OPCML: variants seen among roughly 807,000 people sequenced by gnomAD.
OPCML encodes the protein opioid-binding protein/cell adhesion molecule.
Under a neutral mutation model 37.8 loss-of-function variants are expected in OPCML, and 13 were observed. That is an observed-to-expected ratio of 0.34 (90% CI 0.22 to 0.55). The LOEUF is 0.55. Ranked by LOEUF, OPCML falls within the 20% of genes least tolerant of loss-of-function variation. The pLI, the probability that OPCML is intolerant of heterozygous loss-of-function variation, is 0.91. For synonymous variants in OPCML, 176 were observed against 168.8 expected, an observed-to-expected ratio of 1.04 and a Z score of -0.33; for missense variants, 341 against 435.6, an observed-to-expected ratio of 0.78 and a Z score of 1.93.
intron 1 of OPCML, among the ~76,000 whole-genome samples, chr11:133,322,017 C>A (rs930232992): frequency 6.6e-6 from 1 of 152,116 alleles, no homozygotes; most frequent in Admixed American, 6.5e-5. Flanking sequence ...GCAACACATG[C>A]GGTTTCATAT....
intron 3 of OPCML, among the ~76,000 whole-genome samples, chr11:132,572,050 A>G (rs900404966): frequency 2.0e-5 from 3 of 149,724 alleles, no homozygotes; most frequent in Non-Finnish European, 4.4e-5. Flanking sequence ...TCTGTTGGCC[A>G]TTTGTATGTC....
intron 1 of OPCML, among the ~76,000 whole-genome samples, chr11:132,980,381 A>T (rs1181023565): frequency 6.6e-6 from 1 of 152,250 alleles, no homozygotes; most frequent in Non-Finnish European, 1.5e-5. Flanking sequence ...TTATTATGAA[A>T]GTACTATATT....
chr11:133,039,800 C>T (rs543010742), intron 1 of OPCML, among the ~76,000 whole-genome samples: 105 of 152,146 alleles, frequency 6.9e-4, no homozygotes, highest in African/African-American at 2.5e-3. Context: ...GAGGCCAAGG[C>T]GGGCACATCA....
At chr11:132,844,785 A>G (rs758594260) in intron 2 of OPCML, among the ~76,000 whole-genome samples, 3 of 152,064 alleles carry the variant, frequency 2.0e-5, no homozygotes, top group Non-Finnish European at 4.4e-5. Context: ...TTGCAAAAAC[A>G]TGTGGCAAGT....
intron 1 of OPCML, among the ~76,000 whole-genome samples, chr11:133,017,544 T>C (rs1221621472): frequency 1.3e-5 from 2 of 152,024 alleles, no homozygotes; most frequent in Non-Finnish European, 1.5e-5. Flanking sequence ...ATTACAGGCA[T>C]GCACCCAGCT....
At chr11:132,622,264 T>C (rs1015619886) in intron 3 of OPCML, among the ~76,000 whole-genome samples, 10 of 151,282 alleles carry the variant, frequency 6.6e-5, no homozygotes, top group Non-Finnish European at 1.3e-4. Flanking sequence ...AGAATAACAA[T>C]GAATAGAGGG....
chr11:132,801,009 A>C (rs1049908435), intron 2 of OPCML, among the ~76,000 whole-genome samples: 1 of 152,218 alleles, frequency 6.6e-6, no homozygotes, highest in Admixed American at 6.5e-5. Flanking sequence ...TCACCAGTAA[A>C]GCCACCGGGG....
intron 1 of OPCML, among the ~76,000 whole-genome samples, chr11:133,146,402 C>A (rs2069070525): frequency 6.6e-6 from 1 of 151,296 alleles, no homozygotes; most frequent in Non-Finnish European, 1.5e-5. Flanking sequence ...GCAACCTCTG[C>A]CTCCCGGGTT....
intron 1 of OPCML, among the ~76,000 whole-genome samples, chr11:132,965,529 T>C (rs1946194524): frequency 6.6e-6 from 1 of 152,176 alleles, no homozygotes; most frequent in South Asian, 2.1e-4. Flanking sequence ...TTGTTTGTTG[T>C]TTTTTGTTTG....
intron 1 of OPCML, among the ~76,000 whole-genome samples, chr11:133,246,503 G>A (rs1205546615): frequency 6.6e-6 from 1 of 152,186 alleles, no homozygotes; most frequent in African/African-American, 2.4e-5. Context: ...ACAGTATTGG[G>A]CACACCTCAG....
chr11:132,615,395 A>G (rs1324616012), intron 3 of OPCML, among the ~76,000 whole-genome samples: 2 of 152,188 alleles, frequency 1.3e-5, no homozygotes. Context: ...TAGGATTAAT[A>G]ATGGTATTTT....
At chr11:132,460,266 G>T (rs140047636) in intron 4 of OPCML, among the ~76,000 whole-genome samples, 1 of 151,738 alleles carries the variant, frequency 6.6e-6, no homozygotes, top group African/African-American at 2.4e-5. Context: ...TGCAATGACT[G>T]CTAGCAAAGC....
chr11:132,489,383 G>C (rs2096209164), intron 4 of OPCML, among the ~76,000 whole-genome samples: 3 of 152,166 alleles, frequency 2.0e-5, no homozygotes, highest in Non-Finnish European at 4.4e-5. Context: ...AAATATATAA[G>C]TAAAAGGAGT....
intron 1 of OPCML, among the ~76,000 whole-genome samples, chr11:133,110,085 T>C (rs1949226667): frequency 6.6e-6 from 1 of 152,196 alleles, no homozygotes; most frequent in Non-Finnish European, 1.5e-5. Flanking sequence ...TTGTAATGCA[T>C]AGGACAACCC....
intron 1 of OPCML, among the ~76,000 whole-genome samples, chr11:133,088,613 A>G (rs1050465462): frequency 6.6e-6 from 1 of 152,230 alleles, no homozygotes; most frequent in Non-Finnish European, 1.5e-5. Flanking sequence ...AAGCTAAAAC[A>G]TGCGGTGGTT....
At chr11:132,762,529 G>A (rs1476503986) in intron 2 of OPCML, among the ~76,000 whole-genome samples, 1 of 152,224 alleles carries the variant, frequency 6.6e-6, no homozygotes, top group Non-Finnish European at 1.5e-5. Context: ...GGAATCTAGA[G>A]AGGCAGTCTG....
chr11:133,351,566 G>C (rs1233384669), intron 1 of OPCML, among the ~76,000 whole-genome samples: 1 of 152,094 alleles, frequency 6.6e-6, no homozygotes, highest in Non-Finnish European at 1.5e-5. Context: ...TCTAAAAGAA[G>C]GGCTACCCCA....
rs1254107417 is a variant in OPCML, at chr11:133,497,364, G to T, written c.61+34900C>A. On this transcript the variant is annotated intron_variant, in intron 1 of 7. Coordinates refer to ENST00000524381, the MANE Select transcript of OPCML (RefSeq NM_001012393.5). ...TGTGTCCAAAGTTTCCTGAATTTTTGATAGTTTTTTCTTTAAGCTATCTAT... is the reference window on the plus strand; with the variant it reads ...TGTGTCCAAAGTTTCCTGAATTTTTTATAGTTTTTTCTTTAAGCTATCTAT... Among the ~76,000 whole-genome samples the T allele has an allele frequency of 3.3e-5, 5 of 152,048 alleles. 1 individual carries two copies. The highest frequency in any genetic ancestry group is 2.0e-4 in the Admixed American group (3 of 15,264).
intron 1 of OPCML, among the ~76,000 whole-genome samples, chr11:133,293,292 C>T (rs1008206295): frequency 6.6e-6 from 1 of 152,136 alleles, no homozygotes; most frequent in African/African-American, 2.4e-5. Context: ...GATGCACACC[C>T]TCTGTGACCT....
Sources: gnomAD v4.1 joint callset for allele counts (sites outside exome capture counted in the v4.1 genomes callset) on GRCh38, gnomAD v4.1.1 for gene constraint, MANE v1.5 for transcripts, NCBI Gene and HGNC (gene_info 2026-07-23, HGNC 2026-07-21) for gene names.